The following SCAPER variants were observed in gnomAD, a reference collection of about 807,000 sequenced individuals.
The protein encoded by SCAPER is S phase cyclin A-associated protein in the endoplasmic reticulum.
Under a neutral mutation model 182.2 loss-of-function variants are expected in SCAPER, and 98 were observed. The ratio of observed to expected loss-of-function variants is 0.54; its 90% CI spans 0.46 to 0.64. SCAPER has a LOEUF of 0.64. Ranked by LOEUF, SCAPER falls within the 30% of genes least tolerant of loss-of-function variation. SCAPER has a pLI of 0.00. For missense variants in SCAPER, 1,432 were observed against 1,690.0 expected, an observed-to-expected ratio of 0.85 and a Z score of 2.68; for synonymous variants, 605 against 564.6, an observed-to-expected ratio of 1.07 and a Z score of -1.01.
intron 17 of SCAPER, among the ~76,000 whole-genome samples, chr15:76,725,436 T>C (rs1222072076): frequency 1.3e-5 from 2 of 150,086 alleles, no homozygotes; most frequent in African/African-American, 2.4e-5. Flanking sequence ...AAAGCCATAC[T>C]TCCCAAAACA....
chr15:76,419,274 A>G (rs1567098010), intron 26 of SCAPER, among the ~76,000 whole-genome samples: 2 of 151,016 alleles, frequency 1.3e-5, no homozygotes, highest in Non-Finnish European at 2.9e-5. Flanking sequence ...GGCTGTGGTG[A>G]GCCAAGATCG....
chr15:76,723,857 A>G (rs1003098558), intron 17 of SCAPER, among the ~76,000 whole-genome samples: 4 of 152,172 alleles, frequency 2.6e-5, no homozygotes, highest in African/African-American at 9.7e-5. Context: ...CAGCACACTG[A>G]TGGGTCTTGA....
chr15:76,792,728 G>A lies in SCAPER; in HGVS notation c.772+2552C>T, dbSNP rs545325808. Among the ~76,000 whole-genome samples, 21 of 152,286 alleles carry A rather than the reference G, an allele frequency of 1.4e-4. 1 individual carries two copies. The highest frequency in any genetic ancestry group is 5.1e-4 in the African/African-American group (21 of 41,568). ...GTTTCTTAGCCAAAGCCAGTACCAAGCCTTCAATCATGTGATGACATCATG... is the reference window on the plus strand; with the variant it reads ...GTTTCTTAGCCAAAGCCAGTACCAAACCTTCAATCATGTGATGACATCATG... On this transcript the variant is annotated intron_variant, in intron 8 of 31. Transcript: ENST00000563290.
chr15:76,453,288 A>G (rs932534205), intron 25 of SCAPER, among the ~76,000 whole-genome samples: 3 of 152,136 alleles, frequency 2.0e-5, no homozygotes, highest in African/African-American at 7.2e-5. Flanking sequence ...CACCATCTAA[A>G]CCTCAGAGCC....
At chr15:76,375,900 G>A (rs1415624836) in intron 29 of SCAPER, among the ~76,000 whole-genome samples, 3 of 152,144 alleles carry the variant, frequency 2.0e-5, no homozygotes, top group Non-Finnish European at 4.4e-5. Flanking sequence ...CATGAGAATC[G>A]CTTGAACCTG....
At chr15:76,898,411 A>G (rs1266441590) in intron 1 of SCAPER, among the ~76,000 whole-genome samples, 1 of 152,224 alleles carries the variant, frequency 6.6e-6, no homozygotes, top group African/African-American at 2.4e-5. Flanking sequence ...TACTCAAGAG[A>G]AATGAAAACA....
At chr15:76,740,709 T>C (rs2061496765) in intron 15 of SCAPER, among the ~76,000 whole-genome samples, 1 of 152,174 alleles carries the variant, frequency 6.6e-6, no homozygotes, top group African/African-American at 2.4e-5. Context: ...GAAAAAAGTT[T>C]TTTTCTTAAT....
At chr15:76,687,639 G>A (rs1286496260) in intron 20 of SCAPER, among the ~76,000 whole-genome samples, 3 of 152,094 alleles carry the variant, frequency 2.0e-5, no homozygotes, top group Non-Finnish European at 4.4e-5. Flanking sequence ...CCCTTCTTGT[G>A]TCCAGGTGTT....
chr15:76,525,624 G>C (rs1431982885), intron 23 of SCAPER, among the ~76,000 whole-genome samples: 1 of 152,056 alleles, frequency 6.6e-6, no homozygotes. Flanking sequence ...GTGGTATTTG[G>C]TTTTCTGTTC....
chr15:76,469,744 T>A (rs1250818859), intron 25 of SCAPER, among the ~76,000 whole-genome samples: 2 of 152,154 alleles, frequency 1.3e-5, no homozygotes, highest in African/African-American at 2.4e-5. Context: ...GACTCAAGTT[T>A]CCTCATCTGT....
rs140893544 is a variant in SCAPER, at chr15:76,747,326, A to C, written c.1866+6482T>G. ...AGACCATCCTGGCCAAAATGGTGAA[A>C]CTCCATCTCTACTAAAAATACAAAC... On this transcript the variant is annotated intron_variant, in intron 15 of 31. Coordinates refer to ENST00000563290, the MANE Select transcript of SCAPER (RefSeq NM_020843.4). Among the ~76,000 whole-genome samples the C allele has an allele frequency of 7.0e-3, 1,065 of 152,004 alleles. 9 individuals carry two copies. Among genetic ancestry groups the C allele is most frequent in the Non-Finnish European group, 0.013 (856 of 67,966 alleles).
Position 76,389,571 on chromosome 15 carries a change from T to C in SCAPER, c.3468-7956A>G, listed in dbSNP as rs1245464539. 4.9e-5 allele frequency among the ~76,000 whole-genome samples: 7 copies of C among 142,432 alleles called. No homozygotes were observed. The East Asian group carries it at 1.3e-3, about 25-fold the overall frequency. The allele number at this position is 142,432 out of a possible 152,430, so 93.4% of individuals were successfully genotyped here. A position where few individuals can be genotyped will look rare whatever the true frequency, so the allele number is the denominator to read the frequency against. ...GCTCACACCTGTAATCCCAGCACTT[T>C]GGGAGGCCGAGGCGGGCAGATCACG... On this transcript the variant is annotated intron_variant, in intron 27 of 31. Coordinates refer to ENST00000563290, the MANE Select transcript of SCAPER (RefSeq NM_020843.4).
chr15:76,495,176 G>C (rs1032869942), intron 24 of SCAPER, among the ~76,000 whole-genome samples: 1 of 151,902 alleles, frequency 6.6e-6, no homozygotes, highest in Non-Finnish European at 1.5e-5. Context: ...ACACCTACCA[G>C]AGCAATTTTT....
At chr15:76,680,411 G>GATGATA (rs1032738002) in intron 20 of SCAPER, among the ~76,000 whole-genome samples, 321 of 142,588 alleles carry the variant, frequency 2.3e-3, no homozygotes, top group African/African-American at 7.6e-3. Flanking sequence ...TGATGATGAT[G>GATGATA]ATAATAATAA....
At chr15:76,417,505 A>C (rs1342935013) in intron 26 of SCAPER, among the ~76,000 whole-genome samples, 1 of 152,228 alleles carries the variant, frequency 6.6e-6, no homozygotes, top group Non-Finnish European at 1.5e-5. Flanking sequence ...ATCTAGCTTA[A>C]GTAACTTAAT....
chr15:76,611,654 G>A (rs983948299), intron 22 of SCAPER, among the ~76,000 whole-genome samples: 8 of 152,116 alleles, frequency 5.3e-5, no homozygotes, highest in African/African-American at 9.7e-5. Flanking sequence ...CATCCATGAT[G>A]AACACTGATG....
At chr15:76,714,792 C>T (rs1171026339) in intron 17 of SCAPER, among the ~76,000 whole-genome samples, 1 of 152,064 alleles carries the variant, frequency 6.6e-6, no homozygotes, top group African/African-American at 2.4e-5. Flanking sequence ...TTAACCACAT[C>T]CAACAATAAT....
intron 17 of SCAPER, among the ~76,000 whole-genome samples, chr15:76,725,144 A>G (rs1263424043): frequency 1.3e-5 from 2 of 152,204 alleles, no homozygotes; most frequent in African/African-American, 2.4e-5. Context: ...GATTCTATTT[A>G]TAATTGTATA....
At chr15:76,830,514 G>A (rs1231246465) in intron 5 of SCAPER, among the ~76,000 whole-genome samples, 3 of 152,042 alleles carry the variant, frequency 2.0e-5, no homozygotes, top group African/African-American at 7.2e-5. Flanking sequence ...TGAATGGACT[G>A]GAAAGAATTA....
Sources: allele counts gnomAD v4.1 joint callset (sites outside exome capture counted in the v4.1 genomes callset), GRCh38; gene constraint gnomAD v4.1.1; transcripts MANE v1.5; gene names NCBI Gene and HGNC (gene_info 2026-07-23, HGNC 2026-07-21).